Variants in ARHGEF10 observed in about 807,000 individuals in gnomAD.
The protein encoded by ARHGEF10 is Rho guanine nucleotide exchange factor (GEF) 10.
Under a neutral mutation model 147.4 loss-of-function variants are expected in ARHGEF10, and 140 were observed. The observed-to-expected ratio is 0.95, with a 90% CI of 0.83 to 1.09. The LOEUF (loss-of-function observed/expected upper bound fraction) is 1.09. Ranked by LOEUF, ARHGEF10 falls within the 50% of genes least tolerant of loss-of-function variation. The pLI, the probability that ARHGEF10 is intolerant of heterozygous loss-of-function variation, is 0.00. For missense variants in ARHGEF10, 2,222 were observed against 1,752.7 expected, an observed-to-expected ratio of 1.27 and a Z score of -4.78; for synonymous variants, 902 against 695.8, an observed-to-expected ratio of 1.30 and a Z score of -4.67.
chr8:1,888,823 ATGAGGAGACACTGAATAGGGTGAGGTTTG>A (rs1305042643), intron 11 of ARHGEF10, among the ~76,000 whole-genome samples: 2 of 22,114 alleles, frequency 9.0e-5, no homozygotes, highest in Admixed American at 5.5e-4. Flanking sequence ...GGTGAGAGTT[ATGAGGAGACACTGAATAGGGTGAGGTTTG>A]TGAGGAGACA....
intron 2 of ARHGEF10, among the ~76,000 whole-genome samples, chr8:1,850,061 GCC>G (rs1367065147): frequency 8.8e-6 from 1 of 113,828 alleles, no homozygotes; most frequent in Admixed American, 8.2e-5. Context: ...GAGGGCGTGG[GCC>G]GGCTGCGTGG....
intron 24 of ARHGEF10, 142 bp from the exon 25 acceptor site, chr8:1,929,144 A>T (rs1048390666): frequency 1.1e-6 from 1 of 899,896 alleles, no homozygotes; most frequent in Non-Finnish European, 1.7e-6. Context: ...CAAATTTTTT[A>T]AAAGTACTGG....
intron 13 of ARHGEF10, among the ~76,000 whole-genome samples, chr8:1,895,854 C>T (rs536633261): frequency 1.3e-5 from 2 of 152,124 alleles, no homozygotes; most frequent in African/African-American, 2.4e-5. Context: ...AAAACGAACA[C>T]GTGTAGGGCA....
Position 1,880,265 on chromosome 8 carries a change from A to C in ARHGEF10, c.960+101A>C, listed in dbSNP as rs1018593627. ...CTTGCTGTCTCAACAGCGGTTCTCA[A>C]AGGGTGGTCCGGGGCTCCTGGAATC... is the stretch of plus-strand genomic sequence containing the variant. On this transcript the variant is annotated intron_variant, in intron 9 of 28. Transcript: ENST00000349830. The C allele has an allele frequency of 8.4e-6, 7 of 835,706 alleles. No individual in the cohort carries two copies. The African/African-American group carries it at 1.2e-4, about 14-fold the overall frequency. The allele number at this position is 835,706 out of a possible 1,614,324, so 51.8% of individuals were successfully genotyped here. A position where few individuals can be genotyped will look rare whatever the true frequency, so the allele number is the denominator to read the frequency against.
Position 1,860,118 on chromosome 8 carries a change from C to T in ARHGEF10, c.415C>T (p.Leu139=), listed in dbSNP as rs140941264. Residue 139 remains leucine (L), a synonymous_variant, in exon 4 of 29, where the codon CTG becomes TTG. Transcript: ENST00000349830. ...CTGCGGCTATGCGGTGCCCTCCAAC[C>T]TGCCCCTCCTGCTGCCCGCCTACTC... ...VPCGYAVPSN[L]PLLLPAYSSP... 1 of 1,613,978 alleles carries T rather than the reference C, an allele frequency of 6.2e-7. No individual in the cohort carries two copies.
rs556348587 is a variant in ARHGEF10 at position 1,887,647 on chromosome 8, G to A, written c.1182+1940G>A. ...TGTGAGGAGACTGTGAGTGAGCTGAGAGTCTGTGAGGAGACACTGAGTGCA... is the reference window on the plus strand; with the variant it reads ...TGTGAGGAGACTGTGAGTGAGCTGAAAGTCTGTGAGGAGACACTGAGTGCA... On this transcript the variant is annotated intron_variant, in intron 11 of 28. Coordinates refer to ENST00000349830, the MANE Select transcript of ARHGEF10 (RefSeq NM_014629.4). Among the ~76,000 whole-genome samples, 3 of 131,918 alleles carry A rather than the reference G, an allele frequency of 2.3e-5. No individual in the cohort carries two copies. In the East Asian group the frequency reaches 9.0e-4, roughly 40 times the overall value. 86.5% of individuals were successfully genotyped at this position (131,918 alleles called of 152,430 possible).
At chr8:1,827,041 C>T (rs1395652883) in intron 1 of ARHGEF10, among the ~76,000 whole-genome samples, 4 of 152,174 alleles carry the variant, frequency 2.6e-5, no homozygotes, top group African/African-American at 7.2e-5. Flanking sequence ...AGAGCAGAGG[C>T]CGGTGACCAG....
At position 1,849,889 on chromosome 8, in the gene ARHGEF10, A is replaced by G. The variant is rs866300662; in HGVS notation, c.37+6453A>G. Among the ~76,000 whole-genome samples the G allele has an allele frequency of 6.2e-3, 332 of 53,302 alleles. 4 individuals are homozygous for G. Among genetic ancestry groups the G allele is most frequent in the African/African-American group, 0.015 (155 of 10,324 alleles). The allele number at this position is 53,302 out of a possible 152,430, so 35.0% of individuals were successfully genotyped here. On this transcript the variant is annotated intron_variant, in intron 2 of 28. Coordinates refer to ENST00000349830, the MANE Select transcript of ARHGEF10 (RefSeq NM_014629.4). ...CAAATGCTGAGGAGGGCGTGGGGCG[A>G]CCATGTGGACACAGAGGGCAAATGC...
intron 1 of ARHGEF10, among the ~76,000 whole-genome samples, chr8:1,841,986 A>C (rs1321134566): frequency 7.7e-5 from 5 of 64,566 alleles, no homozygotes; most frequent in African/African-American, 1.8e-4. Flanking sequence ...CGCGGCGGGA[A>C]CTGGGGCCGC....
chr8:1,869,822 G>T, intron 7 of ARHGEF10: 1 of 171,830 alleles, frequency 5.8e-6, no homozygotes, highest in East Asian at 1.6e-4. Context: ...CTGACCCACA[G>T]GCTGGGGGCG....
At chr8:1,879,924 G>A (rs1012971423) in intron 8 of ARHGEF10, 124 bp from the exon 9 acceptor site, 1 of 779,212 alleles carries the variant, frequency 1.3e-6, no homozygotes, top group African/African-American at 1.7e-5. Flanking sequence ...GGTCCCAGAA[G>A]CCCCCAGCCA....
intron 25 of ARHGEF10, 150 bp from the exon 26 acceptor site, chr8:1,933,650 G>C: frequency 9.5e-7 from 1 of 1,053,530 alleles, no homozygotes; most frequent in South Asian, 1.4e-5. Flanking sequence ...TCAGCTTGTC[G>C]ATCCCCAGAC....
At chr8:1,843,564 G>A in intron 2 of ARHGEF10, 128 bp downstream of exon 2, 2 of 766,144 alleles carry the variant, frequency 2.6e-6, no homozygotes, top group Non-Finnish European at 4.5e-6. Context: ...CTTCTTGGGA[G>A]AAAGAGAAGG....
At chr8:1,936,290 G>C (rs1813598172) in intron 26 of ARHGEF10, among the ~76,000 whole-genome samples, 1 of 152,162 alleles carries the variant, frequency 6.6e-6, no homozygotes, top group Admixed American at 6.5e-5. Context: ...CAAGATAGGT[G>C]GATCGCTTGA....
intron 18 of ARHGEF10, among the ~76,000 whole-genome samples, chr8:1,919,526 A>T (rs1309876894): frequency 1.4e-5 from 2 of 142,132 alleles, no homozygotes; most frequent in Non-Finnish European, 3.0e-5. Flanking sequence ...TCTGTGGGTG[A>T]TAAACTGTTC....
rs3758011 is a variant in ARHGEF10 at position 1,898,741 on chromosome 8, C to T, written c.1650+216C>T. Among the ~76,000 whole-genome samples the T allele has an allele frequency of 0.11, 16,370 of 152,130 alleles. 1,200 individuals are homozygous for T. Among genetic ancestry groups the T allele is most frequent in the East Asian group, 0.31 (1,607 of 5,106 alleles). On this transcript the variant is annotated intron_variant, in intron 15 of 28. Coordinates refer to ENST00000349830, the MANE Select transcript of ARHGEF10 (RefSeq NM_014629.4). ...GCTGTAGGGCCCAGTGCCTGCGAGG[C>T]CAGCCTTGGGGGACAGAGGGGATGG...
rs1811112894 is a variant in ARHGEF10 at position 1,908,714 on chromosome 8, T to C, written c.1968-581T>C. Reference sequence around the variant, plus strand: ...GGCGCAGGTCGTTTCCACTAGACTGTACATATGTGTTTTGTGTTTCTTCAC... The same window carrying C: ...GGCGCAGGTCGTTTCCACTAGACTGCACATATGTGTTTTGTGTTTCTTCAC... On this transcript the variant is annotated intron_variant, in intron 17 of 28. Transcript: ENST00000349830. Among the ~76,000 whole-genome samples, 5 of 149,964 alleles carry C rather than the reference T, an allele frequency of 3.3e-5. No homozygotes were observed. The South Asian group carries it at 1.0e-3, about 31-fold the overall frequency.
intron 26 of ARHGEF10, chr8:1,943,960 G>A (rs375638052): frequency 6.6e-6 from 1 of 152,256 alleles, no homozygotes; most frequent in East Asian, 1.9e-4. Context: ...TTTGCTCCAG[G>A]GGGGTGGACA....
intron 8 of ARHGEF10, 141 bp from the exon 9 acceptor site, chr8:1,879,907 C>T (rs560561603): frequency 5.4e-5 from 40 of 744,508 alleles, no homozygotes; most frequent in South Asian, 1.7e-4. Flanking sequence ...TGGGGACTCT[C>T]GCGTGTGGTC....
Sources: gnomAD v4.1 joint callset for allele counts (sites outside exome capture counted in the v4.1 genomes callset) on GRCh38, gnomAD v4.1.1 for gene constraint, MANE v1.5 for transcripts, NCBI Gene and HGNC (gene_info 2026-07-23, HGNC 2026-07-21) for gene names.